The following HDLBP variants were observed in gnomAD, a reference collection of about 807,000 sequenced individuals.
The protein encoded by HDLBP is vigilin.
Under a neutral mutation model 137.3 loss-of-function variants are expected in HDLBP, and 30 were observed. That is an observed-to-expected ratio of 0.22 (90% CI 0.16 to 0.30). The LOEUF is 0.30. Among genes scored for constraint, HDLBP ranks in the 10% least tolerant of loss-of-function variants. The pLI is 1.00. For missense variants in HDLBP, 1,119 were observed against 1,667.3 expected, an observed-to-expected ratio of 0.67 and a Z score of 5.73; for synonymous variants, 606 against 596.0, an observed-to-expected ratio of 1.02 and a Z score of -0.24.
chr2:241,287,864 G>A (rs1227740641), intron 1 of HDLBP, among the ~76,000 whole-genome samples: 1 of 152,224 alleles, frequency 6.6e-6, no homozygotes, highest in Non-Finnish European at 1.5e-5. Context: ...TCCTCAACAA[G>A]CATCAACATG....
At chr2:241,249,524 A>C (rs1159786605) in intron 12 of HDLBP, 1 of 528,758 alleles carries the variant, frequency 1.9e-6, no homozygotes, top group African/African-American at 1.9e-5. Flanking sequence ...GCCTTTGAGA[A>C]TCCAGAAATG....
intron 3 of HDLBP, among the ~76,000 whole-genome samples, chr2:241,265,815 C>T (rs764932926): frequency 3.3e-5 from 5 of 152,128 alleles, no homozygotes; most frequent in Non-Finnish European, 5.9e-5. Flanking sequence ...CTTTCAGTGC[C>T]GTCTTCCCTC....
intron 5 of HDLBP, among the ~76,000 whole-genome samples, chr2:241,261,932 C>T (rs111344838): frequency 3.5e-4 from 54 of 152,350 alleles, no homozygotes; most frequent in African/African-American, 1.3e-3. Flanking sequence ...CAAGGAGACT[C>T]AGTAGCAGAT....
At position 241,256,777 on chromosome 2, in the gene HDLBP, T is replaced by C. The variant is rs1170256196; in HGVS notation, c.480A>G (p.Glu160=). 17 of 1,614,052 alleles carry C rather than the reference T, an allele frequency of 1.1e-5. No homozygotes were observed. Among genetic ancestry groups the C allele is most frequent in the Non-Finnish European group, 1.3e-5 (15 of 1,180,014 alleles). The change falls in exon 6 of 28, where the codon GAA becomes GAG. Residue 160 remains glutamate, a synonymous_variant. Transcript: ENST00000310931. ...QASATVAIPK[E]HHRFVIGKNG... The stretch of plus-strand genomic sequence containing the variant: ...TTTTGCCAATAACAAAGCGATGGTG[T>C]TCTTTGGGAATGGCAACAGTTGCTG...
chr2:241,284,931 G>C (rs2074747666), intron 1 of HDLBP, among the ~76,000 whole-genome samples: 2 of 152,326 alleles, frequency 1.3e-5, no homozygotes, highest in South Asian at 2.1e-4. Flanking sequence ...CTGGAGTGCA[G>C]TGGCACAGTC....
intron 1 of HDLBP, among the ~76,000 whole-genome samples, chr2:241,307,072 G>C (rs1455166711): frequency 6.9e-6 from 1 of 145,374 alleles, no homozygotes; most frequent in Non-Finnish European, 1.5e-5. Context: ...TTTCTTTTTT[G>C]GGGGGCGGGG....
intron 1 of HDLBP, among the ~76,000 whole-genome samples, chr2:241,281,650 C>T (rs138357879): frequency 4.9e-4 from 74 of 152,172 alleles, no homozygotes; most frequent in African/African-American, 1.8e-3. Context: ...CTACAGCCTT[C>T]ACACGTGGCT....
intron 21 of HDLBP, 45 bp from the exon 22 acceptor site, chr2:241,235,639 G>T: frequency 7.2e-7 from 1 of 1,381,246 alleles, no homozygotes; most frequent in Non-Finnish European, 1.0e-6. Flanking sequence ...GCTGAGAGCA[G>T]AGTGACGTTG....
intron 16 of HDLBP, among the ~76,000 whole-genome samples, chr2:241,245,491 GAAACTC>G (rs1574900075): frequency 6.6e-6 from 1 of 152,170 alleles, no homozygotes; most frequent in Non-Finnish European, 1.5e-5. Context: ...CTGCCAAAAA[GAAACTC>G]ACTTTAGTAT....
At chr2:241,243,329 T>C (rs1020565149) in intron 16 of HDLBP, among the ~76,000 whole-genome samples, 1 of 152,168 alleles carries the variant, frequency 6.6e-6, no homozygotes, top group African/African-American at 2.4e-5. Flanking sequence ...GAAATCACCC[T>C]GGGCCTGGGA....
Position 241,256,824 on chromosome 2 carries a change from T to TAAAAG in HDLBP, c.451-23_451-19dup. On this transcript the variant is annotated intron_variant, in intron 5 of 27. Coordinates refer to ENST00000310931, the MANE Select transcript of HDLBP (RefSeq NM_005336.6). ...GCTGAGGCCTATAGCAAGAAGAGAA[T>TAAAAG]AAAAGAAAACAAGAATATTTGTAGG... The TAAAAG allele has an allele frequency of 6.2e-7, 1 of 1,601,660 alleles. No individual in the cohort carries two copies. The highest frequency in any genetic ancestry group is 8.6e-7 in the Non-Finnish European group (1 of 1,168,956).
At chr2:241,299,931 A>G (rs911738168) in intron 1 of HDLBP, among the ~76,000 whole-genome samples, 7 of 152,278 alleles carry the variant, frequency 4.6e-5, no homozygotes, top group African/African-American at 1.7e-4. Flanking sequence ...ACAAAAAACA[A>G]ATTTTGACTA....
At position 241,235,475 on chromosome 2, in the gene HDLBP, G is replaced by A. The variant is rs755369577; in HGVS notation, c.3009+15C>T. On this transcript the variant is annotated intron_variant, in intron 22 of 27. Transcript: ENST00000310931. ...GGCCACTCCTGTGACATGGCCTCCC[G>A]GGAAAGGGGTCTACCTCAAACTCAT... 18 of 1,600,696 alleles carry A rather than the reference G, an allele frequency of 1.1e-5. No individual in the cohort carries two copies. Among genetic ancestry groups the A allele is most frequent in the Admixed American group, 8.3e-5 (5 of 59,916 alleles).
At chr2:241,264,355 CTG>C in intron 4 of HDLBP, 91 bp downstream of exon 4, 1 of 878,416 alleles carries the variant, frequency 1.1e-6, no homozygotes, top group Non-Finnish European at 1.7e-6. Context: ...GAGCGGGACT[CTG>C]TCTCAAAAAA....
In HDLBP at chr2:241,229,868, G is replaced by A. The variant is rs771691256; in HGVS notation, c.3685C>T (p.Arg1229Trp). 5 of 1,466,192 alleles carry A rather than the reference G, an allele frequency of 3.4e-6. No individual in the cohort carries two copies. Among genetic ancestry groups the A allele is most frequent in the South Asian group, 1.2e-5 (1 of 85,712 alleles). The allele number at this position is 1,466,192 out of a possible 1,614,324, so 90.8% of individuals were successfully genotyped here. Residue 1229 changes from arginine to tryptophan, a missense_variant, in exon 27 of 28, where the codon CGG (arginine) becomes TGG (tryptophan). Coordinates refer to ENST00000310931, the MANE Select transcript of HDLBP (RefSeq NM_005336.6). ...AKAPSRGFVV[R>W]DAPWTASSSE... ...CTGCTGGCGGTCCAGGGTGCGTCCCGCACCACAAAGCCTCTGGAAGGTGCC... is the reference window on the plus strand; with the variant it reads ...CTGCTGGCGGTCCAGGGTGCGTCCCACACCACAAAGCCTCTGGAAGGTGCC...
intron 5 of HDLBP, 135 bp downstream of exon 5, chr2:241,262,576 G>A (rs1559518903): frequency 3.1e-6 from 2 of 636,614 alleles, no homozygotes; most frequent in Non-Finnish European, 2.8e-6. Context: ...GACTCTGAAT[G>A]TTGCTGTCCT....
intron 5 of HDLBP, among the ~76,000 whole-genome samples, chr2:241,261,240 A>C (rs1329258056): frequency 6.6e-6 from 1 of 151,594 alleles, no homozygotes; most frequent in Non-Finnish European, 1.5e-5. Context: ...AGCACTGTTA[A>C]AGAATGAGAG....
At position 241,229,867 on chromosome 2, in the gene HDLBP, C is replaced by A. The variant is rs747771920; in HGVS notation, c.3686G>T (p.Arg1229Leu). Residue 1229 changes from arginine (R) to leucine (L), a missense_variant, in exon 27 of 28, where the codon CGG (arginine) becomes CTG (leucine). This residue lies in a region of HDLBP where 618 missense variants were observed against 816.7 expected (regional missense o/e 0.76). Coordinates refer to ENST00000310931, the MANE Select transcript of HDLBP (RefSeq NM_005336.6). ...AKAPSRGFVV[R>L]DAPWTASSSE... Reference sequence around the variant, plus strand: ...GCTGCTGGCGGTCCAGGGTGCGTCCCGCACCACAAAGCCTCTGGAAGGTGC... The same window carrying A: ...GCTGCTGGCGGTCCAGGGTGCGTCCAGCACCACAAAGCCTCTGGAAGGTGC... The A allele has an allele frequency of 8.8e-6, 14 of 1,585,536 alleles. No individual in the cohort carries two copies. Among genetic ancestry groups the A allele is most frequent in the East Asian group, 2.3e-5 (1 of 43,544 alleles).
intron 23 of HDLBP, among the ~76,000 whole-genome samples, chr2:241,234,198 G>A (rs2070125234): frequency 6.6e-6 from 1 of 152,202 alleles, no homozygotes; most frequent in Admixed American, 6.5e-5. Flanking sequence ...CTTCAAAAGA[G>A]GGCTTGGGAC....
Sources: allele counts gnomAD v4.1 joint callset (sites outside exome capture counted in the v4.1 genomes callset), GRCh38; gene constraint gnomAD v4.1.1; regional missense constraint gnomAD v4.1.1; transcripts MANE v1.5; gene names NCBI Gene and HGNC (gene_info 2026-07-23, HGNC 2026-07-21).